The following PHLDB2 variants were observed in gnomAD, a reference collection of about 807,000 sequenced individuals.
The protein encoded by PHLDB2 is pleckstrin homology-like domain family B member 2.
Under a neutral mutation model 123.6 loss-of-function variants are expected in PHLDB2, and 71 were observed. The ratio of observed to expected loss-of-function variants is 0.57; its 90% CI spans 0.47 to 0.70. The LOEUF is 0.70. Ranked by LOEUF, PHLDB2 falls within the 30% of genes least tolerant of loss-of-function variation. The pLI is 0.00. For synonymous variants in PHLDB2, 547 were observed against 541.6 expected, an observed-to-expected ratio of 1.01 and a Z score of -0.14; for missense variants, 1,446 against 1,519.5, an observed-to-expected ratio of 0.95 and a Z score of 0.80.
upstream of PHLDB2, among the ~76,000 whole-genome samples, chr3:111,854,806 A>G (rs1417071697): frequency 6.6e-6 from 1 of 152,254 alleles, no homozygotes; most frequent in Non-Finnish European, 1.5e-5. Context: ...ACTTATGAAC[A>G]GAAGCCATGT....
At chr3:111,784,940 T>C (rs2060622785) in intron 1 of PHLDB2, among the ~76,000 whole-genome samples, 1 of 152,190 alleles carries the variant, frequency 6.6e-6, no homozygotes, top group Admixed American at 6.5e-5. Context: ...TTGCACACAT[T>C]TTTAATATTT....
In PHLDB2 at chr3:111,939,593, A is replaced by G; in HGVS notation, c.2249A>G (p.Glu750Gly). The change falls in exon 7 of 18, where the codon GAA (glutamate) becomes GGA (glycine). Residue 750 changes from glutamate to glycine, a missense_variant. Glu to Gly is a moderately conservative substitution (Grantham distance 98). Coordinates refer to ENST00000431670, the MANE Select transcript of PHLDB2 (RefSeq NM_001134438.2). ...KENLTQQLLR[E>G]VAEYQRNIVS... ...AACTTGACTCAACAGCTCCTGCGTG[A>G]AGTTGCTGAATATCAACGGAACATC... The G allele has an allele frequency of 1.9e-6, 3 of 1,613,544 alleles. No individual in the cohort carries two copies. Among genetic ancestry groups the G allele is most frequent in the Non-Finnish European group, 2.5e-6 (3 of 1,179,822 alleles).
intron 1 of PHLDB2, among the ~76,000 whole-genome samples, chr3:111,862,923 C>T (rs1056783431): frequency 4.6e-5 from 7 of 152,176 alleles, no homozygotes; most frequent in East Asian, 3.9e-4. Flanking sequence ...AGGTCTCAAG[C>T]GAGCTAAGGG....
At chr3:111,968,835 G>A (rs1029672119) in intron 15 of PHLDB2, among the ~76,000 whole-genome samples, 4 of 152,122 alleles carry the variant, frequency 2.6e-5, no homozygotes, top group African/African-American at 4.8e-5. Flanking sequence ...TCATCCATGC[G>A]TGTTTACTAT....
intron 1 of PHLDB2, among the ~76,000 whole-genome samples, chr3:111,877,149 A>T (rs1229505088): frequency 6.6e-6 from 1 of 152,216 alleles, no homozygotes; most frequent in Non-Finnish European, 1.5e-5. Context: ...CACCACACTG[A>T]CTTCCACAAT....
At chr3:111,890,670 A>G (rs915827297) in intron 2 of PHLDB2, among the ~76,000 whole-genome samples, 14 of 152,100 alleles carry the variant, frequency 9.2e-5, no homozygotes, top group African/African-American at 3.1e-4. Context: ...GATTTTTTTT[A>G]ATGTGTTCAA....
At chr3:111,877,822 G>A (rs1400033059) in intron 1 of PHLDB2, among the ~76,000 whole-genome samples, 1 of 152,132 alleles carries the variant, frequency 6.6e-6, no homozygotes, top group East Asian at 1.9e-4. Context: ...ATTAAATAGG[G>A]AATCCTTTCC....
At chr3:111,966,164 A>C (rs2071736432) in intron 13 of PHLDB2, among the ~76,000 whole-genome samples, 2 of 152,194 alleles carry the variant, frequency 1.3e-5, no homozygotes, top group African/African-American at 2.4e-5. Context: ...TCCAAACATT[A>C]GGTGTCATTT....
rs115621939 is a variant in PHLDB2 at position 111,909,699 on chromosome 3, G to A, written c.1336-3620G>A. 2.9e-3 allele frequency among the ~76,000 whole-genome samples: 443 copies of A among 151,906 alleles called. 1 individual carries two copies. The highest frequency in any genetic ancestry group is 9.8e-3 in the African/African-American group (404 of 41,396). Reference sequence around the variant, plus strand: ...TAAGTTAGTAGACCTTTGTTGAACTGAAGATTATGGAGACATTGAAGTCCT... The same window carrying A: ...TAAGTTAGTAGACCTTTGTTGAACTAAAGATTATGGAGACATTGAAGTCCT... On this transcript the variant is annotated intron_variant, in intron 2 of 17. Coordinates refer to ENST00000431670, the MANE Select transcript of PHLDB2 (RefSeq NM_001134438.2).
chr3:111,762,493 G>A (rs2060011845), intron 1 of PHLDB2, among the ~76,000 whole-genome samples: 1 of 152,204 alleles, frequency 6.6e-6, no homozygotes, highest in South Asian at 2.1e-4. Flanking sequence ...ATCCTAGGGA[G>A]CGCTCTGAAG....
chr3:111,834,268 T>G (rs1308683762), intron 1 of PHLDB2, among the ~76,000 whole-genome samples: 1 of 114,030 alleles, frequency 8.8e-6, no homozygotes, highest in Non-Finnish European at 1.8e-5. Context: ...TTCTATTATA[T>G]ACATAATATA....
At chr3:111,952,442 T>A in intron 10 of PHLDB2, 130 bp from the exon 11 acceptor site, 1 of 966,192 alleles carries the variant, frequency 1.0e-6, no homozygotes, top group Non-Finnish European at 1.5e-6. Flanking sequence ...ACACAATATA[T>A]GTTGAATAAC....
At chr3:111,910,461 C>T (rs947893437) in intron 2 of PHLDB2, among the ~76,000 whole-genome samples, 1 of 152,156 alleles carries the variant, frequency 6.6e-6, no homozygotes, top group Non-Finnish European at 1.5e-5. Flanking sequence ...GGCAGCCAGC[C>T]TCTTGACTTA....
At chr3:111,934,687 G>C (rs1218100398) in intron 6 of PHLDB2, among the ~76,000 whole-genome samples, 1 of 152,176 alleles carries the variant, frequency 6.6e-6, no homozygotes, top group Non-Finnish European at 1.5e-5. Context: ...TGTTAACATG[G>C]CCTTACCAAT....
chr3:111,826,691 G>A (rs892972393), intron 1 of PHLDB2, among the ~76,000 whole-genome samples: 8 of 152,142 alleles, frequency 5.3e-5, no homozygotes, highest in Non-Finnish European at 1.0e-4. Flanking sequence ...TTTGCTCCAC[G>A]GCCAGGGTAG....
intron 1 of PHLDB2, among the ~76,000 whole-genome samples, chr3:111,772,698 C>T (rs2060198688): frequency 6.6e-6 from 1 of 152,126 alleles, no homozygotes; most frequent in Non-Finnish European, 1.5e-5. Flanking sequence ...TAAAGGTTGC[C>T]GCAAGAGAAT....
chr3:111,766,603 T>G (rs1362323319), intron 1 of PHLDB2, among the ~76,000 whole-genome samples: 1 of 152,208 alleles, frequency 6.6e-6, no homozygotes, highest in Non-Finnish European at 1.5e-5. Flanking sequence ...ATGTAGAATA[T>G]TCCAGCCTGG....
chr3:111,971,946 A>G (rs977032510), intron 16 of PHLDB2, among the ~76,000 whole-genome samples: 6 of 152,228 alleles, frequency 3.9e-5, no homozygotes, highest in Non-Finnish European at 8.8e-5. Flanking sequence ...TGATGGCATA[A>G]TACTGAGAGA....
At chr3:111,777,982 T>C (rs956902190) in intron 1 of PHLDB2, among the ~76,000 whole-genome samples, 7 of 152,168 alleles carry the variant, frequency 4.6e-5, no homozygotes, top group African/African-American at 1.7e-4. Context: ...GCAGATATGT[T>C]TTATAAGCGT....
Sources: gnomAD v4.1 joint callset for allele counts (sites outside exome capture counted in the v4.1 genomes callset) on GRCh38, gnomAD v4.1.1 for gene constraint, MANE v1.5 for transcripts, NCBI Gene and HGNC (gene_info 2026-07-23, HGNC 2026-07-21) for gene names.